The following ANKRD44 variants were observed in gnomAD, a reference collection of about 807,000 sequenced individuals.
ANKRD44 encodes ankyrin repeat domain 44, also known as serine/threonine-protein phosphatase 6 regulatory ankyrin repeat subunit B.
In ANKRD44, 35 loss-of-function variants were observed where a neutral mutation model predicts 116.0. That is an observed-to-expected ratio of 0.30 (90% CI 0.23 to 0.40). ANKRD44 has a LOEUF of 0.40. ANKRD44 is among the 10% of genes least tolerant of loss of function. The probability of loss-of-function intolerance (pLI) is 1.00; values close to 1 mark genes in which losing one functional copy is unlikely to be tolerated. For synonymous variants in ANKRD44, 435 were observed against 461.8 expected, an observed-to-expected ratio of 0.94 and a Z score of 0.74; for missense variants, 1,014 against 1,242.6, an observed-to-expected ratio of 0.82 and a Z score of 2.77.
At chr2:197,260,621 T>C (rs1416274586) in intron 1 of ANKRD44, among the ~76,000 whole-genome samples, 1 of 151,930 alleles carries the variant, frequency 6.6e-6, no homozygotes, top group Non-Finnish European at 1.5e-5. Flanking sequence ...CTGGGTGAAA[T>C]GGTATTTCTA....
chr2:197,033,376 C>T (rs755925062), intron 16 of ANKRD44, among the ~76,000 whole-genome samples: 1 of 152,094 alleles, frequency 6.6e-6, no homozygotes, highest in Non-Finnish European at 1.5e-5. Context: ...TGAAGATTTT[C>T]ACTGATAAAA....
chr2:197,009,626 C>A (rs2076261135), intron 18 of ANKRD44, among the ~76,000 whole-genome samples: 1 of 152,164 alleles, frequency 6.6e-6, no homozygotes. Context: ...GCCTTGGCCT[C>A]CCAAAGTGCT....
At chr2:197,003,870 G>A (rs993455311) in intron 21 of ANKRD44, among the ~76,000 whole-genome samples, 2 of 152,058 alleles carry the variant, frequency 1.3e-5, no homozygotes, top group Non-Finnish European at 2.9e-5. Context: ...TGGCAGGAAG[G>A]GAACAAAACC....
intron 9 of ANKRD44, among the ~76,000 whole-genome samples, chr2:197,107,735 G>C (rs1228959392): frequency 6.6e-6 from 1 of 152,216 alleles, no homozygotes; most frequent in Non-Finnish European, 1.5e-5. Flanking sequence ...ATGTGGTCCT[G>C]GAGGACAGAG....
Position 197,260,157 on chromosome 2 carries a change from G to A in ANKRD44, c.27+50421C>T, listed in dbSNP as rs530560871. Among the ~76,000 whole-genome samples the A allele has an allele frequency of 9.7e-4, 147 of 152,118 alleles. 1 individual carries two copies. Among genetic ancestry groups the A allele is most frequent in the Middle Eastern group, 6.8e-3 (2 of 294 alleles). On this transcript the variant is annotated intron_variant, in intron 1 of 27. Coordinates refer to ENST00000282272, the MANE Select transcript of ANKRD44 (RefSeq NM_001195144.2). ...GTGCAGGTTTGTTACATATGTATAC[G>A]TGTGCCATGTTGGTGTGCTGCACCC...
intron 1 of ANKRD44, among the ~76,000 whole-genome samples, chr2:197,298,250 G>T (rs547472864): frequency 7.9e-5 from 12 of 152,292 alleles, no homozygotes; most frequent in Admixed American, 2.6e-4. Flanking sequence ...GTAAGAAAGC[G>T]ATTTTTGGCA....
chr2:197,011,522 G>A lies in ANKRD44; in HGVS notation c.1924+1989C>T, dbSNP rs180712016. 3.1e-3 allele frequency among the ~76,000 whole-genome samples: 468 copies of A among 151,484 alleles called. 2 individuals carry two copies. Among genetic ancestry groups the A allele is most frequent in the African/African-American group, 0.011 (441 of 41,222 alleles). ...GAGTCTAGCTCTGTTGCCCAGGCTG[G>A]AGTGCAGTGGCGTGAACTCGGCTCA... On this transcript the variant is annotated intron_variant, in intron 18 of 27. Transcript: ENST00000282272.
chr2:197,306,013 C>T (rs937191502), intron 1 of ANKRD44, among the ~76,000 whole-genome samples: 1 of 132,984 alleles, frequency 7.5e-6, no homozygotes, highest in Non-Finnish European at 1.5e-5. Context: ...ACTGAACTAC[C>T]AACACATCAT....
chr2:197,045,593 G>C (rs909558692), intron 16 of ANKRD44, among the ~76,000 whole-genome samples: 1 of 152,156 alleles, frequency 6.6e-6, no homozygotes, highest in Admixed American at 6.5e-5. Context: ...GAGTCTGAAA[G>C]CTCAGGTCCC....
chr2:197,284,059 C>G (rs2083338065), intron 1 of ANKRD44, among the ~76,000 whole-genome samples: 1 of 152,140 alleles, frequency 6.6e-6, no homozygotes, highest in African/African-American at 2.4e-5. Flanking sequence ...GTGCTGACCT[C>G]TAATTTACTG....
chr2:197,282,260 T>G (rs546588661), intron 1 of ANKRD44, among the ~76,000 whole-genome samples: 1 of 151,500 alleles, frequency 6.6e-6, no homozygotes, highest in Non-Finnish European at 1.5e-5. Context: ...CTCAAAAAAA[T>G]ATATATATAT....
chr2:197,074,208 C>T lies in ANKRD44; in HGVS notation c.1650+4495G>A, dbSNP rs73049693. 9.9e-3 allele frequency among the ~76,000 whole-genome samples: 1,503 copies of T among 152,310 alleles called. 30 individuals carry two copies. Among genetic ancestry groups the T allele is most frequent in the African/African-American group, 0.034 (1,414 of 41,570 alleles). On this transcript the variant is annotated intron_variant, in intron 16 of 27. Coordinates refer to ENST00000282272, the MANE Select transcript of ANKRD44 (RefSeq NM_001195144.2). ...GAATTAAATAGAAGAAAACACAAGA[C>T]CAGCATTGTTGAGGTTTCCAGAGAA...
chr2:197,263,549 A>C, intron 1 of ANKRD44: 3 of 301,522 alleles, frequency 9.9e-6, no homozygotes, highest in South Asian at 5.6e-5. Context: ...AGCTGTCTCC[A>C]CCTCCCATAT....
chr2:197,047,465 T>C (rs577763118), intron 16 of ANKRD44, among the ~76,000 whole-genome samples: 1 of 152,358 alleles, frequency 6.6e-6, no homozygotes, highest in Admixed American at 6.5e-5. Context: ...GTTTGTCCAT[T>C]TCACTAATAA....
chr2:197,167,958 C>T (rs1246982997), intron 2 of ANKRD44, among the ~76,000 whole-genome samples: 2 of 152,128 alleles, frequency 1.3e-5, no homozygotes, highest in South Asian at 2.1e-4. Flanking sequence ...CTACCTGTAA[C>T]ATATAATTCA....
At chr2:197,202,934 C>A (rs1473067495) in intron 1 of ANKRD44, among the ~76,000 whole-genome samples, 1 of 151,580 alleles carries the variant, frequency 6.6e-6, no homozygotes, top group Non-Finnish European at 1.5e-5. Context: ...TGTTTTTTGG[C>A]TGGATTGCAT....
At chr2:196,999,127 C>T (rs4850742) in intron 23 of ANKRD44, 75 bp from the exon 24 acceptor site, 1,401,374 of 1,542,184 alleles carry the variant, frequency 0.91, 637,381 homozygotes, top group East Asian at 1. Flanking sequence ...AAGAAACATG[C>T]ACAAGGTGTT....
chr2:197,091,747 T>C (rs909068481), intron 10 of ANKRD44, among the ~76,000 whole-genome samples: 1 of 152,232 alleles, frequency 6.6e-6, no homozygotes, highest in Non-Finnish European at 1.5e-5. Context: ...GCTATATTGT[T>C]GAAAATAAAG....
downstream of ANKRD44, among the ~76,000 whole-genome samples, chr2:196,984,447 T>G (rs1451483838): frequency 6.6e-6 from 1 of 152,216 alleles, no homozygotes; most frequent in Non-Finnish European, 1.5e-5. Context: ...AAAGAGACAA[T>G]TCATATAGTA....
Sources: gnomAD v4.1 joint callset for allele counts (sites outside exome capture counted in the v4.1 genomes callset) on GRCh38, gnomAD v4.1.1 for gene constraint, MANE v1.5 for transcripts, NCBI Gene and HGNC (gene_info 2026-07-23, HGNC 2026-07-21) for gene names.